RAP2B: variants seen among roughly 807,000 people sequenced by gnomAD.
The protein encoded by RAP2B is RAP2B, member of RAS oncogene family, also known as ras-related protein Rap-2b.
A neutral mutation model predicts 14.4 loss-of-function variants in RAP2B; 6 were observed. The observed-to-expected ratio is 0.42, with a 90% CI of 0.23 to 0.82. RAP2B has a LOEUF of 0.82. Among genes scored for constraint, RAP2B ranks in the 40% least tolerant of loss-of-function variants. RAP2B has a pLI of 0.30. For synonymous variants in RAP2B, 118 were observed against 113.2 expected (o/e 1.04, Z -0.27); for missense variants, 137 against 248.2 (o/e 0.55, Z 3.01).
chr3:153,162,675 C>A lies in RAP2B; in HGVS notation c.-19C>A. 6.3e-7 allele frequency: 1 copy of A among 1,576,062 alleles called. No homozygotes were observed. Among genetic ancestry groups the A allele is most frequent in the Non-Finnish European group, 8.6e-7 (1 of 1,159,880 alleles). ...CCCGACGGGGCCGCGGCAGGCGCGG[C>A]GAGAGCGCTGACGGAGCCATGAGAG... On this transcript the variant is annotated 5_prime_UTR_variant, in exon 1 of 1. Coordinates refer to ENST00000323534, the MANE Select transcript of RAP2B (RefSeq NM_002886.4). The surrounding 1 kb of genome is among the most constrained non-coding windows in gnomAD (Gnocchi z 4.9).
Position 153,165,013 on chromosome 3 carries a change from AG to A in RAP2B, c.*1771del, listed in dbSNP as rs1452600634. On this transcript the variant is annotated 3_prime_UTR_variant, in exon 1 of 1. Coordinates refer to ENST00000323534, the MANE Select transcript of RAP2B (RefSeq NM_002886.4). ...TGGAACAGTTTACCTCATTGTAGGT[AG>A]GGAACAAGAGAACCCATCTATTAAA... 6.0e-6 allele frequency: 1 copy of A among 166,846 alleles called. No individual in the cohort carries two copies. The highest frequency in any genetic ancestry group is 1.5e-5 in the Non-Finnish European group (1 of 68,124). The allele number at this position is 166,846 out of a possible 1,614,324, so 10.3% of individuals were successfully genotyped here.
rs773102295 is a variant in RAP2B at position 153,163,088 on chromosome 3, A to G, written c.395A>G (p.Lys132Arg). 1.2e-6 allele frequency: 2 copies of G among 1,613,934 alleles called. No individual in the cohort carries two copies. Among genetic ancestry groups the G allele is most frequent in the African/African-American group, 1.3e-5 (1 of 75,064 alleles). Reference protein sequence around the residue: ...GEREVSYGEGKALAEEWSCPF... With the variant: ...GEREVSYGEGRALAEEWSCPF... ...CGCGAGGTCTCGTACGGGGAGGGCAAGGCCCTGGCTGAGGAGTGGAGCTGC... is the reference window on the plus strand; with the variant it reads ...CGCGAGGTCTCGTACGGGGAGGGCAGGGCCCTGGCTGAGGAGTGGAGCTGC... Residue 132 changes from lysine to arginine, a missense_variant, in exon 1 of 1, where the codon AAG becomes AGG. Lys to Arg is a conservative substitution (Grantham distance 26). This residue lies in a region of RAP2B where 106 missense variants were observed against 143.5 expected (regional missense o/e 0.74). Coordinates refer to ENST00000323534, the MANE Select transcript of RAP2B (RefSeq NM_002886.4).
Position 153,163,176 on chromosome 3 carries a change from G to C in RAP2B, c.483G>C (p.Val161=). 6.2e-7 allele frequency: 1 copy of C among 1,606,462 alleles called. No individual in the cohort carries two copies. ...ASVDELFAEI[V]RQMNYAAQPN... ...TAGACGAGCTATTTGCCGAGATCGT[G>C]CGGCAGATGAACTACGCGGCGCAGC... The change falls in exon 1 of 1, where the codon GTG becomes GTC. Residue 161 remains valine, a synonymous_variant. Coordinates refer to ENST00000323534, the MANE Select transcript of RAP2B (RefSeq NM_002886.4).
rs571011641 is a variant in RAP2B, at chr3:153,167,402, C to T, written c.*4157C>T. On this transcript the variant is annotated 3_prime_UTR_variant, in exon 1 of 1. Coordinates refer to ENST00000323534, the MANE Select transcript of RAP2B (RefSeq NM_002886.4). ...TACTGCTGGGACCCTCCTCCAGTTT[C>T]TTACCCAGTGGGTCTCGGGTAGGGT... 1 of 167,040 alleles carries T rather than the reference C, an allele frequency of 6.0e-6. No homozygotes were observed. The highest frequency in any genetic ancestry group is 2.1e-4 in the South Asian group (1 of 4,826). 10.3% of individuals were successfully genotyped at this position (167,040 alleles called of 1,614,324 possible).
In RAP2B at chr3:153,167,521, A is replaced by G. The variant is rs974863470; in HGVS notation, c.*4276A>G. 3 of 167,074 alleles carry G rather than the reference A, an allele frequency of 1.8e-5. No homozygotes were observed. In the East Asian group the frequency reaches 5.8e-4, roughly 32 times the overall value. 10.3% of individuals were successfully genotyped at this position (167,074 alleles called of 1,614,324 possible). ...AACCAGTGATCTAGACTGAACTCCA[A>G]ATGAGTACTATACTGACAGCCACCT... On this transcript the variant is annotated 3_prime_UTR_variant, in exon 1 of 1. Coordinates refer to ENST00000323534, the MANE Select transcript of RAP2B (RefSeq NM_002886.4).
Position 153,163,324 on chromosome 3 carries a change from C to T in RAP2B, c.*79C>T. 6.9e-7 allele frequency: 1 copy of T among 1,455,844 alleles called. No homozygotes were observed. The allele number at this position is 1,455,844 out of a possible 1,614,324, so 90.2% of individuals were successfully genotyped here. A position where few individuals can be genotyped will look rare whatever the true frequency, so the allele number is the denominator to read the frequency against. On this transcript the variant is annotated 3_prime_UTR_variant, in exon 1 of 1. Transcript: ENST00000323534. ...CTCTCTAAATGTGATTTATTTCTTGCTTTGAGATTGGAGACCACTTTGCAT... is the reference window on the plus strand; with the variant it reads ...CTCTCTAAATGTGATTTATTTCTTGTTTTGAGATTGGAGACCACTTTGCAT...
At position 153,164,122 on chromosome 3, in the gene RAP2B, C is replaced by G. The variant is rs1014877986; in HGVS notation, c.*877C>G. On this transcript the variant is annotated 3_prime_UTR_variant, in exon 1 of 1. Transcript: ENST00000323534. ...ACAGATCTGCACATTTTCGTGTGTA[C>G]TATGGTGTGTGTGTGTATGTGTGTG... 1.2e-5 allele frequency: 2 copies of G among 163,664 alleles called. No homozygotes were observed. The highest frequency in any genetic ancestry group is 2.9e-5 in the Non-Finnish European group (2 of 67,896). The allele number at this position is 163,664 out of a possible 1,614,324, so 10.1% of individuals were successfully genotyped here. A position where few individuals can be genotyped will look rare whatever the true frequency, so the allele number is the denominator to read the frequency against.
chr3:153,162,428 G>T lies in RAP2B; in HGVS notation c.-266G>T, dbSNP rs1256462982. On this transcript the variant is annotated 5_prime_UTR_variant, in exon 1 of 1. Coordinates refer to ENST00000323534, the MANE Select transcript of RAP2B (RefSeq NM_002886.4). This position sits in a 1 kb window ranked among gnomAD's most constrained non-coding sequence, Gnocchi z 4.9. ...GCAGGCTGCGGGCATTGTCCTCTCG[G>T]TTCGCCGCCCGGGCTGCTGCTGCCG... 5.0e-5 allele frequency: 14 copies of T among 281,214 alleles called. No homozygotes were observed. The allele number at this position is 281,214 out of a possible 1,614,324, so 17.4% of individuals were successfully genotyped here.
At position 153,164,949 on chromosome 3, in the gene RAP2B, G is replaced by A. The variant is rs1310087795; in HGVS notation, c.*1704G>A. ...GCCCTGGGTATGGCCATTACCATCT[G>A]ATTAGAAGATGAACAGGTATTTTGA... On this transcript the variant is annotated 3_prime_UTR_variant, in exon 1 of 1. Coordinates refer to ENST00000323534, the MANE Select transcript of RAP2B (RefSeq NM_002886.4). 2 of 166,980 alleles carry A rather than the reference G, an allele frequency of 1.2e-5. No homozygotes were observed. The highest frequency in any genetic ancestry group is 2.4e-5 in the African/African-American group (1 of 41,444). 10.3% of individuals were successfully genotyped at this position (166,980 alleles called of 1,614,324 possible). A position where few individuals can be genotyped will look rare whatever the true frequency, so the allele number is the denominator to read the frequency against.
rs767202918 is a variant in RAP2B, at chr3:153,163,116, C to T, written c.423C>T (p.Pro141=). The part of the protein sequence containing the change: ...GKALAEEWSC[P]FMETSAKNKA... ...CCCTGGCTGAGGAGTGGAGCTGCCCCTTCATGGAGACGTCGGCCAAAAACA... is the reference window on the plus strand; with the variant it reads ...CCCTGGCTGAGGAGTGGAGCTGCCCTTTCATGGAGACGTCGGCCAAAAACA... The change falls in exon 1 of 1, where the codon CCC becomes CCT. Residue 141 remains proline, a synonymous_variant. Coordinates refer to ENST00000323534, the MANE Select transcript of RAP2B (RefSeq NM_002886.4). The T allele has an allele frequency of 4.3e-6, 7 of 1,613,604 alleles. No homozygotes were observed. Among genetic ancestry groups the T allele is most frequent in the Non-Finnish European group, 5.9e-6 (7 of 1,180,000 alleles).
At position 153,170,178 on chromosome 3, in the gene RAP2B, T is replaced by C. The variant is rs1428528064; in HGVS notation, c.*6933T>C. 6.6e-6 allele frequency: 1 copy of C among 152,072 alleles called. No homozygotes were observed. Among genetic ancestry groups the C allele is most frequent in the Admixed American group, 6.6e-5 (1 of 15,262 alleles). The allele number at this position is 152,072 out of a possible 1,614,324, so 9.4% of individuals were successfully genotyped here. ...GTTTATTTGTGGTAATTGTGAAAAATTGCAAAGGTAGCAAAATTTTTTAAA... is the reference window on the plus strand; with the variant it reads ...GTTTATTTGTGGTAATTGTGAAAAACTGCAAAGGTAGCAAAATTTTTTAAA... On this transcript the variant is annotated 3_prime_UTR_variant, in exon 1 of 1. Coordinates refer to ENST00000323534, the MANE Select transcript of RAP2B (RefSeq NM_002886.4).
chr3:153,163,263 G>T lies in RAP2B; in HGVS notation c.*18G>T. 1 of 1,511,662 alleles carries T rather than the reference G, an allele frequency of 6.6e-7. No homozygotes were observed. The highest frequency in any genetic ancestry group is 8.8e-7 in the Non-Finnish European group (1 of 1,133,666). The allele number at this position is 1,511,662 out of a possible 1,614,324, so 93.6% of individuals were successfully genotyped here. ...TCCTCTGAGGCGGCCACCGCGCGCCGGCCGCGCTCTGCGCACAAAAGCCAA... is the reference window on the plus strand; with the variant it reads ...TCCTCTGAGGCGGCCACCGCGCGCCTGCCGCGCTCTGCGCACAAAAGCCAA... On this transcript the variant is annotated 3_prime_UTR_variant, in exon 1 of 1. Coordinates refer to ENST00000323534, the MANE Select transcript of RAP2B (RefSeq NM_002886.4).
Position 153,166,733 on chromosome 3 carries a change from A to C in RAP2B, c.*3488A>C, listed in dbSNP as rs1325924275. ...ACTGTTGTAGACTTAATTGAATCAC[A>C]TTTTGGGACCAGATGTATTTGGGGA... On this transcript the variant is annotated 3_prime_UTR_variant, in exon 1 of 1. Coordinates refer to ENST00000323534, the MANE Select transcript of RAP2B (RefSeq NM_002886.4). The C allele has an allele frequency of 1.8e-5, 3 of 166,940 alleles. No homozygotes were observed. The South Asian group carries it at 6.2e-4, about 35-fold the overall frequency. The allele number at this position is 166,940 out of a possible 1,614,324, so 10.3% of individuals were successfully genotyped here. A position where few individuals can be genotyped will look rare whatever the true frequency, so the allele number is the denominator to read the frequency against.
chr3:153,162,571 T>A lies in RAP2B; in HGVS notation c.-123T>A, dbSNP rs909236727. The A allele has an allele frequency of 1.4e-5, 17 of 1,214,848 alleles. No homozygotes were observed. The highest frequency in any genetic ancestry group is 1.6e-5 in the Non-Finnish European group (14 of 900,528). 75.3% of individuals were successfully genotyped at this position (1,214,848 alleles called of 1,614,324 possible). Reference sequence around the variant, plus strand: ...CCGCCCTGCGTTCTCTGGGTTGCTCTCTCCTGGGTTTTTCCTGCGTAGCTG... The same window carrying A: ...CCGCCCTGCGTTCTCTGGGTTGCTCACTCCTGGGTTTTTCCTGCGTAGCTG... On this transcript the variant is annotated 5_prime_UTR_variant, in exon 1 of 1. Transcript: ENST00000323534. The surrounding 1 kb of genome is among the most constrained non-coding windows in gnomAD (Gnocchi z 4.9).
In RAP2B at chr3:153,163,635, G is replaced by GT. The variant is rs112079528; in HGVS notation, c.*407dup. Reference sequence around the variant, plus strand: ...AAAGGAGGGAGAGAAGGTGGAAATGGTTTTTTTTTTTTTTTTTCTATTTTC... The same window carrying GT: ...AAAGGAGGGAGAGAAGGTGGAAATGGTTTTTTTTTTTTTTTTTTCTATTTTC... On this transcript the variant is annotated 3_prime_UTR_variant, in exon 1 of 1. Transcript: ENST00000323534. 0.03 allele frequency: 3,094 copies of GT among 103,318 alleles called. 81 individuals carry two copies. The highest frequency in any genetic ancestry group is 0.078 in the African/African-American group (1,939 of 24,940). 6.4% of individuals were successfully genotyped at this position (103,318 alleles called of 1,614,324 possible). A position where few individuals can be genotyped will look rare whatever the true frequency, so the allele number is the denominator to read the frequency against.
rs538147735 is a variant in RAP2B at position 153,165,084 on chromosome 3, G to A, written c.*1839G>A. On this transcript the variant is annotated 3_prime_UTR_variant, in exon 1 of 1. Transcript: ENST00000323534. ...AGTAACCATCCTTCTGGCAAAGTAG[G>A]ATGGCACTTTTAAGTTTTTCTTCCT... The A allele has an allele frequency of 6.0e-6, 1 of 166,998 alleles. No homozygotes were observed. Among genetic ancestry groups the A allele is most frequent in the African/African-American group, 2.4e-5 (1 of 41,572 alleles). The allele number at this position is 166,998 out of a possible 1,614,324, so 10.3% of individuals were successfully genotyped here. A position where few individuals can be genotyped will look rare whatever the true frequency, so the allele number is the denominator to read the frequency against.
chr3:153,170,501 C>T lies in RAP2B; in HGVS notation c.*7256C>T, dbSNP rs952983143. On this transcript the variant is annotated 3_prime_UTR_variant, in exon 1 of 1. Transcript: ENST00000323534. ...AATAGTATATGGAAAAGCACATCTA[C>T]ATGTGTCATCAGTTATAATACTGTG... is the stretch of plus-strand genomic sequence containing the variant. The T allele has an allele frequency of 6.6e-6, 1 of 152,162 alleles. No homozygotes were observed. Among genetic ancestry groups the T allele is most frequent in the African/African-American group, 2.4e-5 (1 of 41,416 alleles). 9.4% of individuals were successfully genotyped at this position (152,162 alleles called of 1,614,324 possible). A position where few individuals can be genotyped will look rare whatever the true frequency, so the allele number is the denominator to read the frequency against.
At position 153,163,524 on chromosome 3, in the gene RAP2B, A is replaced by T. The variant is rs990768060; in HGVS notation, c.*279A>T. 2.6e-6 allele frequency: 1 copy of T among 389,830 alleles called. No individual in the cohort carries two copies. Among genetic ancestry groups the T allele is most frequent in the Non-Finnish European group, 4.8e-6 (1 of 209,776 alleles). 24.1% of individuals were successfully genotyped at this position (389,830 alleles called of 1,614,324 possible). A position where few individuals can be genotyped will look rare whatever the true frequency, so the allele number is the denominator to read the frequency against. On this transcript the variant is annotated 3_prime_UTR_variant, in exon 1 of 1. Transcript: ENST00000323534. ...TTGATGCATATTTCCCCGTTTAAGT[A>T]GCCGTTAGGGCGCAGTATCGGCAGC... is the stretch of plus-strand genomic sequence containing the variant.
rs1296438695 is a variant in RAP2B at position 153,169,440 on chromosome 3, GC to G, written c.*6197del. The G allele has an allele frequency of 2.6e-5, 4 of 151,912 alleles. No homozygotes were observed. 9.4% of individuals were successfully genotyped at this position (151,912 alleles called of 1,614,324 possible). On this transcript the variant is annotated 3_prime_UTR_variant, in exon 1 of 1. Coordinates refer to ENST00000323534, the MANE Select transcript of RAP2B (RefSeq NM_002886.4). ...CAAAGTGCTGGGATTACAGGTGTGA[GC>G]CACCGCACCCAGCCTTTTTTTTGAA... is the stretch of plus-strand genomic sequence containing the variant.
Sources: gnomAD v4.1 joint callset for allele counts on GRCh38, gnomAD v4.1.1 for gene constraint, gnomAD v4.1.1 regional missense constraint, Gnocchi (gnomAD v3.1) non-coding constraint, MANE v1.5 for transcripts, NCBI Gene and HGNC (gene_info 2026-07-23, HGNC 2026-07-21) for gene names.